Variants in DPF3 observed in about 807,000 individuals in gnomAD.
DPF3 encodes zinc finger protein DPF3.
In DPF3, 18 loss-of-function variants were observed where a neutral mutation model predicts 56.8. The observed-to-expected ratio is 0.32, with a 90% CI of 0.22 to 0.47. DPF3 has a LOEUF of 0.47. DPF3 is among the 20% of genes least tolerant of loss of function. DPF3 has a pLI of 1.00. For synonymous variants in DPF3, 188 were observed against 180.2 expected (o/e 1.04, Z -0.35); for missense variants, 403 against 488.8 (o/e 0.82, Z 1.65).
chr14:72,844,114 C>T (rs1884656973), intron 1 of DPF3, among the ~76,000 whole-genome samples: 1 of 152,128 alleles, frequency 6.6e-6, no homozygotes, highest in Admixed American at 6.5e-5. Context: ...CCATGCTGGA[C>T]AAAAGGAGTA....
chr14:72,858,323 A>AAC (rs1451286694), intron 1 of DPF3, among the ~76,000 whole-genome samples: 1 of 151,574 alleles, frequency 6.6e-6, no homozygotes, highest in Non-Finnish European at 1.5e-5. Flanking sequence ...AAAAAAAAAA[A>AAC]AACCCAGGTG....
rs10545910 is a variant in DPF3, at chr14:72,881,294, CTGTTGTTGT to C, written c.32+12754_32+12762del. On this transcript the variant is annotated intron_variant, in intron 1 of 10. Transcript: ENST00000556509. ...AGATCTCATTCTCTAAAATTCAGAG[CTGTTGTTGT>C]TGTTGTTGTTGTTGTTGTTGTTGTT... Among the ~76,000 whole-genome samples the C allele has an allele frequency of 7.6e-3, 1,147 of 151,148 alleles. 19 individuals are homozygous for C. The highest frequency in any genetic ancestry group is 0.058 in the South Asian group (273 of 4,742).
intron 1 of DPF3, among the ~76,000 whole-genome samples, chr14:72,787,501 C>T (rs185816948): frequency 1.1e-3 from 172 of 152,294 alleles, no homozygotes; most frequent in Middle Eastern, 6.8e-3. Flanking sequence ...GGCACCCGGG[C>T]TCCAGTCTCT....
intron 1 of DPF3, among the ~76,000 whole-genome samples, chr14:72,885,026 G>A (rs1181283736): frequency 3.7e-5 from 5 of 136,870 alleles, no homozygotes; most frequent in South Asian, 2.4e-4. Flanking sequence ...GGCTGAGCCC[G>A]GGGAATGGGG....
intron 1 of DPF3, among the ~76,000 whole-genome samples, chr14:72,791,499 C>G (rs1290266731): frequency 1.3e-5 from 2 of 152,216 alleles, no homozygotes; most frequent in African/African-American, 4.8e-5. Context: ...AGCAAGCTGT[C>G]CTCCCAAGAC....
At chr14:72,642,082 G>A (rs1885580503) in intron 8 of DPF3, among the ~76,000 whole-genome samples, 1 of 152,218 alleles carries the variant, frequency 6.6e-6, no homozygotes, top group Non-Finnish European at 1.5e-5. Context: ...ATGGCAACAT[G>A]AGAGTGAGCT....
chr14:72,810,421 T>C (rs924704350), intron 1 of DPF3, among the ~76,000 whole-genome samples: 1 of 152,126 alleles, frequency 6.6e-6, no homozygotes, highest in Non-Finnish European at 1.5e-5. Context: ...GGGTGTGTTC[T>C]AATACGTCAG....
chr14:72,730,437 A>G (rs1405292596), intron 4 of DPF3, among the ~76,000 whole-genome samples: 2 of 152,198 alleles, frequency 1.3e-5, no homozygotes, highest in African/African-American at 2.4e-5. Flanking sequence ...TTGACAATTC[A>G]TCTTAACACG....
At chr14:72,714,582 A>G in intron 5 of DPF3, 81 bp from the exon 6 acceptor site, 1 of 1,517,834 alleles carries the variant, frequency 6.6e-7, no homozygotes, top group Admixed American at 1.8e-5. Flanking sequence ...CGAGCTCCTT[A>G]CACCGTCTTC....
At chr14:72,706,452 G>C (rs1306519331) in intron 6 of DPF3, among the ~76,000 whole-genome samples, 4 of 152,146 alleles carry the variant, frequency 2.6e-5, no homozygotes, top group African/African-American at 9.7e-5. Context: ...AGACCAAGGT[G>C]GGGGAAACCT....
intron 7 of DPF3, among the ~76,000 whole-genome samples, chr14:72,679,871 G>T (rs1277530248): frequency 6.6e-6 from 1 of 152,254 alleles, no homozygotes; most frequent in Admixed American, 6.5e-5. Context: ...GGCTAGGCCA[G>T]TCCAGAGGAG....
At chr14:72,628,672 G>A (rs1884981689) in intron 9 of DPF3, among the ~76,000 whole-genome samples, 1 of 151,938 alleles carries the variant, frequency 6.6e-6, no homozygotes, top group Non-Finnish European at 1.5e-5. Context: ...GACAGAGTTG[G>A]TGAGAGGAGA....
rs1019638739 is a variant in DPF3 at position 72,614,843 on chromosome 14, G to A, written c.*4454C>T. ...GCTGCCCTCCAGCTCCTTAGCTCGA[G>A]GATTTCTCCCTGAGGACATCCAGCT... On this transcript the variant is annotated 3_prime_UTR_variant, in exon 11 of 11. Transcript: ENST00000556509. Among the ~76,000 whole-genome samples, 5 of 147,600 alleles carry A rather than the reference G, an allele frequency of 3.4e-5. No homozygotes were observed. Among genetic ancestry groups the A allele is most frequent in the African/African-American group, 1.3e-4 (5 of 39,706 alleles).
intron 1 of DPF3, among the ~76,000 whole-genome samples, chr14:72,776,123 T>G (rs1397589856): frequency 3.9e-5 from 6 of 152,124 alleles, no homozygotes; most frequent in Non-Finnish European, 8.8e-5. Flanking sequence ...TACCCTGGGT[T>G]GGATCACACA....
chr14:72,757,316 T>G (rs1046022969), intron 2 of DPF3, among the ~76,000 whole-genome samples: 1 of 152,194 alleles, frequency 6.6e-6, no homozygotes, highest in Admixed American at 6.5e-5. Flanking sequence ...GAATTTATTA[T>G]GTCACAGGAC....
chr14:72,681,810 G>A lies in DPF3; in HGVS notation c.743-7442C>T, dbSNP rs552742021. Among the ~76,000 whole-genome samples the A allele has an allele frequency of 1.8e-4, 28 of 152,304 alleles. 2 individuals are homozygous for A. In the South Asian group the frequency reaches 5.4e-3, roughly 29 times the overall value. The stretch of plus-strand genomic sequence containing the variant: ...TGTGTGCACCATGTCACCAGCTCTG[G>A]GGCTAGATGGTCACACGGCCCCCAA... On this transcript the variant is annotated intron_variant, in intron 7 of 10. Transcript: ENST00000556509.
intron 1 of DPF3, among the ~76,000 whole-genome samples, chr14:72,888,428 AAC>A (rs1212688986): frequency 6.6e-6 from 1 of 152,222 alleles, no homozygotes; most frequent in African/African-American, 2.4e-5. Flanking sequence ...CAGACTGTGA[AAC>A]ACCAGTAACC....
In DPF3 at chr14:72,612,993, C is replaced by CAT. The variant is rs143434829; in HGVS notation, c.*6303_*6304insAT. Among the ~76,000 whole-genome samples the CAT allele has an allele frequency of 2.0e-5, 3 of 148,852 alleles. No homozygotes were observed. Among genetic ancestry groups the CAT allele is most frequent in the Non-Finnish European group, 3.0e-5 (2 of 67,238 alleles). ...TTTCCCTTTGGTTCATTAAGTAGGG[C>CAT]GTGTGTGTGTGTGTGTGTGTGTGTG... On this transcript the variant is annotated 3_prime_UTR_variant, in exon 11 of 11. Coordinates refer to ENST00000556509, the MANE Select transcript of DPF3 (RefSeq NM_001280542.3).
At chr14:72,754,863 C>T (rs1249134880) in intron 2 of DPF3, among the ~76,000 whole-genome samples, 1 of 152,228 alleles carries the variant, frequency 6.6e-6, no homozygotes. Context: ...TGTTTAATCA[C>T]ACAGCTGCTC....
Sources: gnomAD v4.1 joint callset for allele counts (sites outside exome capture counted in the v4.1 genomes callset) on GRCh38, gnomAD v4.1.1 for gene constraint, MANE v1.5 for transcripts, NCBI Gene and HGNC (gene_info 2026-07-23, HGNC 2026-07-21) for gene names.